Variants in CPAMD8 observed in about 807,000 individuals in gnomAD.
CPAMD8 encodes the protein C3 and PZP like alpha-2-macroglobulin domain containing 8, also known as C3 and PZP-like alpha-2-macroglobulin domain-containing protein 8.
In CPAMD8, 146 loss-of-function variants were observed where a neutral mutation model predicts 224.7. The ratio of observed to expected loss-of-function variants is 0.65; its 90% CI spans 0.57 to 0.75. The LOEUF is 0.75. CPAMD8 is among the 30% of genes least tolerant of loss of function. The probability of loss-of-function intolerance (pLI) is 0.00; values close to 1 mark genes in which losing one functional copy is unlikely to be tolerated. For missense variants in CPAMD8, 2,301 were observed against 2,537.5 expected (o/e 0.91, Z 2.00); for synonymous variants, 966 against 1,044.6 (o/e 0.92, Z 1.45).
chr19:16,933,352 C>T (rs189475639), intron 23 of CPAMD8, among the ~76,000 whole-genome samples: 228 of 151,856 alleles, frequency 1.5e-3, no homozygotes, highest in African/African-American at 4.9e-3. Flanking sequence ...TATAAAAAAA[C>T]TTCTGCTTCT....
Position 16,901,304 on chromosome 19 carries a change from A to G in CPAMD8, c.4686-7T>C, listed in dbSNP as rs2052248238. The G allele has an allele frequency of 1.3e-6, 2 of 1,594,728 alleles. No homozygotes were observed. The highest frequency in any genetic ancestry group is 1.3e-5 in the African/African-American group (1 of 74,672). ...AGACCCTGCATGCAGCCACCTTCCA[A>G]CAACAGGGGAGAGAGAGAGGCCCTA... On this transcript the variant is annotated splice_region_variant and splice_polypyrimidine_tract_variant and intron_variant, in intron 35 of 41. Coordinates refer to ENST00000443236, the MANE Select transcript of CPAMD8 (RefSeq NM_015692.5).
At chr19:16,962,256 C>G (rs572947590) in intron 18 of CPAMD8, among the ~76,000 whole-genome samples, 2 of 152,302 alleles carry the variant, frequency 1.3e-5, no homozygotes, top group East Asian at 3.9e-4. Context: ...GCTAAAGGAG[C>G]ACGTTCAAAC....
rs1214757739 is a variant in CPAMD8 at position 16,987,152 on chromosome 19, CAAAAAAA to C, written c.1395+2484_1395+2490del. Among the ~76,000 whole-genome samples the C allele has an allele frequency of 9.8e-3, 225 of 22,850 alleles. 1 individual carries two copies. Among genetic ancestry groups the C allele is most frequent in the Middle Eastern group, 0.045 (1 of 22 alleles). The allele number at this position is 22,850 out of a possible 152,430, so 15.0% of individuals were successfully genotyped here. On this transcript the variant is annotated intron_variant, in intron 13 of 41. Coordinates refer to ENST00000443236, the MANE Select transcript of CPAMD8 (RefSeq NM_015692.5). ...CCAGCCTGGGAGACAGAGACTCTGT[CAAAAAAA>C]AAAAAAAAAAAAAAAAAAAAATATA... is the stretch of plus-strand genomic sequence containing the variant.
intron 23 of CPAMD8, among the ~76,000 whole-genome samples, chr19:16,935,174 C>T (rs1021376466): frequency 5.9e-5 from 9 of 152,268 alleles, no homozygotes; most frequent in African/African-American, 9.6e-5. Context: ...TCTCTGTACC[C>T]GTTTCCCCCT....
intron 27 of CPAMD8, among the ~76,000 whole-genome samples, chr19:16,915,024 C>T (rs1432381187): frequency 6.6e-6 from 1 of 152,246 alleles, no homozygotes; most frequent in Non-Finnish European, 1.5e-5. Context: ...ACGGAGCTCT[C>T]TCCTTCCTAC....
At chr19:17,011,569 C>T (rs369586859) in intron 4 of CPAMD8, 23 bp downstream of exon 4, 11 of 1,614,104 alleles carry the variant, frequency 6.8e-6, no homozygotes, top group Non-Finnish European at 8.5e-6. Flanking sequence ...CCGGCCCTCC[C>T]TGCATCCATG....
rs529417987 is a variant in CPAMD8, at chr19:17,020,437, A to C, written c.245-84T>G. 2.3e-4 allele frequency: 232 copies of C among 992,732 alleles called. No homozygotes were observed. In the African/African-American group the frequency reaches 3.4e-3, roughly 15 times the overall value. 61.5% of individuals were successfully genotyped at this position (992,732 alleles called of 1,614,324 possible). A position where few individuals can be genotyped will look rare whatever the true frequency, so the allele number is the denominator to read the frequency against. ...TGAGCTGCAGCCTCACAAACCACAA[A>C]CTTTCTTAACCCAAAGGGGTTTCAT... is the stretch of plus-strand genomic sequence containing the variant. On this transcript the variant is annotated intron_variant, in intron 2 of 41. Coordinates refer to ENST00000443236, the MANE Select transcript of CPAMD8 (RefSeq NM_015692.5).
At position 16,976,005 on chromosome 19, in the gene CPAMD8, G is replaced by A. The variant is rs771466395; in HGVS notation, c.1905C>T (p.Ala635=). The A allele has an allele frequency of 3.8e-6, 6 of 1,592,902 alleles. No individual in the cohort carries two copies. The highest frequency in any genetic ancestry group is 4.3e-6 in the Non-Finnish European group (5 of 1,168,766). The change falls in exon 16 of 42, where the codon GCC becomes GCT. Residue 635 remains alanine, a synonymous_variant. Coordinates refer to ENST00000443236, the MANE Select transcript of CPAMD8 (RefSeq NM_015692.5). The part of the protein sequence containing the change: ...LLRSGFRLTP[A]QVFQELEDYD... ...CAAGCCCGAGGGGTCTGCTCACCTG[G>A]GCAGGAGTCAGCCGGAACCCAGACC...
chr19:16,939,446 C>T (rs1276316282), intron 22 of CPAMD8, among the ~76,000 whole-genome samples: 6 of 151,984 alleles, frequency 3.9e-5, no homozygotes, highest in South Asian at 4.2e-4. Flanking sequence ...TGACCTCAAG[C>T]GATCCGCCTG....
intron 22 of CPAMD8, among the ~76,000 whole-genome samples, chr19:16,944,582 G>A (rs1057486002): frequency 6.6e-6 from 1 of 152,138 alleles, no homozygotes; most frequent in Non-Finnish European, 1.5e-5. Context: ...CCCTGGCTGG[G>A]CAAAGGGTGA....
intron 13 of CPAMD8, among the ~76,000 whole-genome samples, chr19:16,988,691 G>C (rs956044567): frequency 6.6e-6 from 1 of 152,074 alleles, no homozygotes; most frequent in African/African-American, 2.4e-5. Context: ...CCCCTTGCTG[G>C]GGAGATAAGG....
intron 18 of CPAMD8, among the ~76,000 whole-genome samples, 154 bp downstream of exon 18, chr19:16,970,737 T>A (rs550255066): frequency 1.3e-5 from 2 of 152,246 alleles, no homozygotes; most frequent in East Asian, 3.9e-4. Flanking sequence ...TTCTTGGACT[T>A]CCAAGCCCCA....
At chr19:16,989,567 A>C (rs56146384) in intron 13 of CPAMD8, 76 bp downstream of exon 13, 1 of 1,542,872 alleles carries the variant, frequency 6.5e-7, no homozygotes, top group Admixed American at 2.0e-5. Context: ...GATTACAGGC[A>C]TGAGCCACAG....
In CPAMD8 at chr19:16,893,143, C is replaced by T. The variant is rs748502943; in HGVS notation, c.5623G>A (p.Gly1875Ser). ...SPAFQSGGEE[G>S]LWMSNTCTLR ...GTGCAGGTGTTTGACATCCATAAAC[C>T]CTCCTCCCCACCACTCTGAAAGGCT... The change falls in exon 42 of 42, where the codon GGT becomes AGT. Residue 1875 changes from glycine to serine, a missense_variant. Gly to Ser is a moderately conservative substitution (Grantham distance 56). This residue lies in a region of CPAMD8 where 1,709 missense variants were observed against 1,753.2 expected (regional missense o/e 0.97). Transcript: ENST00000443236. 8.2e-5 allele frequency: 128 copies of T among 1,558,098 alleles called. No homozygotes were observed. The highest frequency in any genetic ancestry group is 1.7e-4 in the Middle Eastern group (1 of 5,996).
At chr19:17,026,054 C>T (rs115067088) in intron 1 of CPAMD8, among the ~76,000 whole-genome samples, 2,127 of 152,274 alleles carry the variant, frequency 0.014, 37 homozygotes, top group African/African-American at 0.017. Flanking sequence ...GTGAAGCCAA[C>T]TTAGCAGTAC....
At chr19:17,019,996 C>T (rs1268464061) in intron 3 of CPAMD8, among the ~76,000 whole-genome samples, 7 of 94,234 alleles carry the variant, frequency 7.4e-5, no homozygotes, top group South Asian at 3.4e-4. Context: ...TTTGGTGAGA[C>T]GGAGATTTAC....
rs556536643 is a variant in CPAMD8 at position 16,927,888 on chromosome 19, G to A, written c.3370+121C>T. On this transcript the variant is annotated intron_variant, in intron 25 of 41. Coordinates refer to ENST00000443236, the MANE Select transcript of CPAMD8 (RefSeq NM_015692.5). ...GAAGCTGCTTGTCAGGTGAGTGGGT[G>A]TATGGGTGGACACCCCAAGACACAG... 13 of 725,144 alleles carry A rather than the reference G, an allele frequency of 1.8e-5. No individual in the cohort carries two copies. In the South Asian group the frequency reaches 1.9e-4, roughly 11 times the overall value. The allele number at this position is 725,144 out of a possible 1,614,324, so 44.9% of individuals were successfully genotyped here.
intron 7 of CPAMD8, among the ~76,000 whole-genome samples, chr19:17,004,609 G>T (rs1189109036): frequency 6.6e-6 from 1 of 152,118 alleles, no homozygotes; most frequent in Non-Finnish European, 1.5e-5. Flanking sequence ...GATGCAGGAA[G>T]GGACTGGACC....
chr19:17,010,962 G>A (rs893008509), intron 5 of CPAMD8, among the ~76,000 whole-genome samples: 6 of 151,786 alleles, frequency 4.0e-5, no homozygotes, highest in South Asian at 2.1e-4. Flanking sequence ...GGCAGAGGTC[G>A]CAGTGAGCCA....
Sources: allele counts gnomAD v4.1 joint callset (sites outside exome capture counted in the v4.1 genomes callset), GRCh38; gene constraint gnomAD v4.1.1; regional missense constraint gnomAD v4.1.1; transcripts MANE v1.5; gene names NCBI Gene and HGNC (gene_info 2026-07-23, HGNC 2026-07-21).